The following SMIM8 variants were observed in gnomAD, a reference collection of about 807,000 sequenced individuals.
SMIM8 encodes UPF0708 protein C6orf162.
Under a neutral mutation model 8.1 loss-of-function variants are expected in SMIM8, and 8 were observed. The observed-to-expected ratio is 0.99, with a 90% CI of 0.58 to 1.78. The LOEUF is 1.78. Among genes scored for constraint, SMIM8 ranks in the 40% most tolerant of loss-of-function variants. The pLI is 0.00. For synonymous variants in SMIM8, 45 were observed against 39.7 expected (o/e 1.13, Z -0.50); for missense variants, 126 against 119.8 (o/e 1.05, Z -0.24).
At chr6:87,339,983 A>T in intron 3 of SMIM8, 133 bp from the exon 4 acceptor site, 1 of 615,022 alleles carries the variant, frequency 1.6e-6, no homozygotes, top group Non-Finnish European at 2.6e-6. Context: ...AATGATTTTA[A>T]TTGAAATATT....
At chr6:87,332,009 T>G (rs1324017519) in intron 2 of SMIM8, among the ~76,000 whole-genome samples, 1 of 152,084 alleles carries the variant, frequency 6.6e-6, no homozygotes, top group African/African-American at 2.4e-5. Flanking sequence ...AGTGAATTAT[T>G]AAGGTAAATG....
At chr6:87,337,854 C>T (rs1422343356) in intron 3 of SMIM8, among the ~76,000 whole-genome samples, 1 of 152,128 alleles carries the variant, frequency 6.6e-6, no homozygotes, top group African/African-American at 2.4e-5. Flanking sequence ...TTTTGAACTC[C>T]TGGCCTTAAG....
At chr6:87,338,009 G>A in intron 3 of SMIM8, among the ~76,000 whole-genome samples, 1 of 152,234 alleles carries the variant, frequency 6.6e-6, no homozygotes, top group South Asian at 2.1e-4. Context: ...AAATATTTAA[G>A]TGTGTTGAAT....
Position 87,340,348 on chromosome 6 carries a change from A to T in SMIM8, c.*74A>T. 1 of 1,347,548 alleles carries T rather than the reference A, an allele frequency of 7.4e-7. No homozygotes were observed. Among genetic ancestry groups the T allele is most frequent in the Non-Finnish European group, 9.7e-7 (1 of 1,031,870 alleles). The allele number at this position is 1,347,548 out of a possible 1,614,324, so 83.5% of individuals were successfully genotyped here. A position where few individuals can be genotyped will look rare whatever the true frequency, so the allele number is the denominator to read the frequency against. On this transcript the variant is annotated 3_prime_UTR_variant, in exon 4 of 4. Coordinates refer to ENST00000392863, the MANE Select transcript of SMIM8 (RefSeq NM_001042493.3). The stretch of plus-strand genomic sequence containing the variant: ...CAAATGAAAGACCTTGTGAGTGTAC[A>T]GTATCATGTTTCTTGTTCTAGAACA...
intron 1 of SMIM8, among the ~76,000 whole-genome samples, chr6:87,327,457 CA>C: frequency 6.6e-6 from 1 of 152,100 alleles, no homozygotes; most frequent in Admixed American, 6.5e-5. Context: ...CTGCTGGTCA[CA>C]AAATCTCTCA....
At chr6:87,328,321 AG>A (rs1776887835) in intron 1 of SMIM8, among the ~76,000 whole-genome samples, 1 of 152,126 alleles carries the variant, frequency 6.6e-6, no homozygotes, top group South Asian at 2.1e-4. Flanking sequence ...GGAGGAGGAG[AG>A]GCACTCTGCT....
chr6:87,337,224 T>A, intron 3 of SMIM8, 58 bp downstream of exon 3: 2 of 1,483,256 alleles, frequency 1.3e-6, no homozygotes, highest in Non-Finnish European at 1.8e-6. Context: ...TGTCAGAAAG[T>A]TCTAATTTTC....
chr6:87,325,863 C>G (rs1482996998), intron 1 of SMIM8, among the ~76,000 whole-genome samples: 1 of 152,238 alleles, frequency 6.6e-6, no homozygotes, highest in African/African-American at 2.4e-5. Flanking sequence ...CCTTGTACCT[C>G]TGTTAGAATT....
intron 1 of SMIM8, among the ~76,000 whole-genome samples, chr6:87,325,727 CTT>C (rs1562219983): frequency 6.6e-6 from 1 of 151,998 alleles, no homozygotes; most frequent in African/African-American, 2.4e-5. Context: ...CTAAAATTCT[CTT>C]TTTTGGTTGT....
At chr6:87,336,366 A>T (rs1777113840) in intron 2 of SMIM8, among the ~76,000 whole-genome samples, 1 of 152,252 alleles carries the variant, frequency 6.6e-6, no homozygotes, top group Non-Finnish European at 1.5e-5. Flanking sequence ...ATAGATTTAC[A>T]GTAGCTAAGA....
chr6:87,325,032 A>G (rs536991011), intron 1 of SMIM8, among the ~76,000 whole-genome samples: 52 of 152,126 alleles, frequency 3.4e-4, no homozygotes, highest in East Asian at 1.2e-3. Flanking sequence ...CTTTGAAGCA[A>G]TTGTGAATGG....
chr6:87,339,926 ATC>A (rs1411925419), intron 3 of SMIM8, among the ~76,000 whole-genome samples, 188 bp from the exon 4 acceptor site: 1 of 152,174 alleles, frequency 6.6e-6, no homozygotes, highest in Non-Finnish European at 1.5e-5. Context: ...GTCTTCTATA[ATC>A]TCTAGATAAT....
At chr6:87,330,446 G>A (rs1314261554) in intron 1 of SMIM8, among the ~76,000 whole-genome samples, 1 of 151,636 alleles carries the variant, frequency 6.6e-6, no homozygotes, top group Non-Finnish European at 1.5e-5. Context: ...ATATTAATAG[G>A]TAGTCAAGTA....
intron 1 of SMIM8, among the ~76,000 whole-genome samples, chr6:87,324,700 G>C (rs1459010335): frequency 5.3e-5 from 8 of 151,716 alleles, no homozygotes; most frequent in Non-Finnish European, 1.2e-4. Flanking sequence ...AAGTCAGGTA[G>C]TGTGATACCT....
chr6:87,326,020 T>C lies in SMIM8; in HGVS notation c.-45+3388T>C, dbSNP rs563849516. On this transcript the variant is annotated intron_variant, in intron 1 of 3. Transcript: ENST00000392863. ...GAGAGTGTATGTGTCGAGGAACTTATCCATTTCTTCTAGATTTTCTAGTTT... is the reference window on the plus strand; with the variant it reads ...GAGAGTGTATGTGTCGAGGAACTTACCCATTTCTTCTAGATTTTCTAGTTT... Among the ~76,000 whole-genome samples the C allele has an allele frequency of 5.2e-4, 79 of 152,378 alleles. 1 individual carries two copies. The highest frequency in any genetic ancestry group is 7.3e-4 in the Non-Finnish European group (50 of 68,040).
At chr6:87,338,873 T>A (rs1432695718) in intron 3 of SMIM8, among the ~76,000 whole-genome samples, 4 of 151,466 alleles carry the variant, frequency 2.6e-5, no homozygotes, top group Admixed American at 2.6e-4. Flanking sequence ...AATACTTTTC[T>A]GGAGTTGTGA....
intron 1 of SMIM8, among the ~76,000 whole-genome samples, chr6:87,328,382 T>C (rs1225684590): frequency 1.3e-5 from 2 of 152,088 alleles, no homozygotes; most frequent in Non-Finnish European, 2.9e-5. Flanking sequence ...TCTTTGTGGT[T>C]TTATCTACTT....
In SMIM8 at chr6:87,340,243, A is replaced by G. The variant is rs1205811453; in HGVS notation, c.263A>G (p.Tyr88Cys). Reference protein sequence around the residue: ...YEAIDSEGHSYMRRKTSKWD With the variant: ...YEAIDSEGHSCMRRKTSKWD ...GCTATTGATAGTGAGGGGCACAGTT[A>G]TATGAGGCGGAAAACATCCAAATGG... Residue 88 changes from tyrosine (Y) to cysteine (C), a missense_variant, in exon 4 of 4, where the codon TAT becomes TGT. Physicochemically the swap from Tyr to Cys is radical, Grantham distance 194 (BLOSUM62 -2). Coordinates refer to ENST00000392863, the MANE Select transcript of SMIM8 (RefSeq NM_001042493.3). 1.2e-6 allele frequency: 2 copies of G among 1,606,736 alleles called. No individual in the cohort carries two copies. Among genetic ancestry groups the G allele is most frequent in the Admixed American group, 1.7e-5 (1 of 58,120 alleles).
intron 1 of SMIM8, among the ~76,000 whole-genome samples, chr6:87,323,736 C>T (rs936110148): frequency 1.3e-5 from 2 of 152,054 alleles, no homozygotes; most frequent in African/African-American, 2.4e-5. Flanking sequence ...AATAAACATA[C>T]GTGTGCTTGT....
Sources: allele counts gnomAD v4.1 joint callset (sites outside exome capture counted in the v4.1 genomes callset), GRCh38; gene constraint gnomAD v4.1.1; transcripts MANE v1.5; gene names NCBI Gene and HGNC (gene_info 2026-07-23, HGNC 2026-07-21).